The following KDM4B variants were observed in gnomAD, a reference collection of about 807,000 sequenced individuals.
KDM4B encodes the protein lysine demethylase 4B.
Under a neutral mutation model 125.2 loss-of-function variants are expected in KDM4B, and 32 were observed. That is an observed-to-expected ratio of 0.26 (90% CI 0.19 to 0.34). The LOEUF (loss-of-function observed/expected upper bound fraction) is 0.34. Among genes scored for constraint, KDM4B ranks in the 10% least tolerant of loss-of-function variants. The probability of loss-of-function intolerance (pLI) is 1.00; values close to 1 mark genes in which losing one functional copy is unlikely to be tolerated. For synonymous variants in KDM4B, 721 were observed against 677.9 expected, an observed-to-expected ratio of 1.06 and a Z score of -0.99; for missense variants, 1,190 against 1,577.7, an observed-to-expected ratio of 0.75 and a Z score of 4.16.
intron 6 of KDM4B, among the ~76,000 whole-genome samples, chr19:5,064,160 G>T (rs769198369): frequency 5.1e-4 from 78 of 152,322 alleles, no homozygotes; most frequent in Non-Finnish European, 9.0e-4. Flanking sequence ...GGTCCCGGGG[G>T]CGCCACTGGC....
intron 11 of KDM4B, among the ~76,000 whole-genome samples, chr19:5,126,576 G>GC (rs2039453069): frequency 6.6e-6 from 1 of 152,202 alleles, no homozygotes; most frequent in South Asian, 2.1e-4. Flanking sequence ...CCCTCCCCTC[G>GC]CCCCGGAGTG....
At chr19:4,994,909 A>G (rs2035151364) in intron 1 of KDM4B, among the ~76,000 whole-genome samples, 2 of 152,188 alleles carry the variant, frequency 1.3e-5, no homozygotes, top group African/African-American at 4.8e-5. Context: ...TTAACTTCTC[A>G]GAATCGACTT....
At chr19:5,092,153 T>C (rs755181570) in intron 9 of KDM4B, among the ~76,000 whole-genome samples, 12 of 152,078 alleles carry the variant, frequency 7.9e-5, no homozygotes, top group Non-Finnish European at 1.6e-4. Flanking sequence ...TGGAGGGTGA[T>C]CTAGGAGAGG....
chr19:5,110,648 G>A lies in KDM4B; in HGVS notation c.945G>A (p.Lys315=). The stretch of plus-strand genomic sequence containing the variant: ...GCACGTGCCGGAAGGACATGGTCAA[G>A]ATCTCCATGGACGTGTTCGTGCGCA... ...TQCTCRKDMV[K]ISMDVFVRIL... The change falls in exon 10 of 23, where the codon AAG becomes AAA. Residue 315 remains lysine, a synonymous_variant. Coordinates refer to ENST00000159111, the MANE Select transcript of KDM4B (RefSeq NM_015015.3). 6.2e-7 allele frequency: 1 copy of A among 1,613,042 alleles called. No individual in the cohort carries two copies. The highest frequency in any genetic ancestry group is 8.5e-7 in the Non-Finnish European group (1 of 1,179,898).
chr19:5,106,714 G>C (rs1285133525), intron 9 of KDM4B, among the ~76,000 whole-genome samples: 1 of 152,210 alleles, frequency 6.6e-6, no homozygotes, highest in Non-Finnish European at 1.5e-5. Context: ...CCCCTGACAT[G>C]AGCACTGTCC....
In KDM4B at chr19:5,131,021, G is replaced by A. The variant is rs2039532886; in HGVS notation, c.1316-55G>A. Reference sequence around the variant, plus strand: ...GTTGGGGGATTTCTGGGGAGCGTGGGACCAGCACTTGAGCCCGGGTTCTCC... The same window carrying A: ...GTTGGGGGATTTCTGGGGAGCGTGGAACCAGCACTTGAGCCCGGGTTCTCC... On this transcript the variant is annotated intron_variant, in intron 11 of 22. Transcript: ENST00000159111. The A allele has an allele frequency of 7.6e-6, 10 of 1,312,054 alleles. No individual in the cohort carries two copies. In the East Asian group the frequency reaches 2.2e-4, roughly 29 times the overall value. The allele number at this position is 1,312,054 out of a possible 1,614,324, so 81.3% of individuals were successfully genotyped here.
At chr19:5,130,961 C>G (rs778958927) in intron 11 of KDM4B, 115 bp from the exon 12 acceptor site, 7 of 769,374 alleles carry the variant, frequency 9.1e-6, no homozygotes, top group Non-Finnish European at 1.4e-5. Flanking sequence ...TGTGGCCTCT[C>G]TGGGTGGAAG....
At chr19:5,110,929 T>C in intron 10 of KDM4B, 111 bp downstream of exon 10, 1 of 808,564 alleles carries the variant, frequency 1.2e-6, no homozygotes, top group Non-Finnish European at 1.9e-6. Flanking sequence ...GTCCCACTCC[T>C]CCCTTTCTTC....
rs1246989503 is a variant in KDM4B at position 5,144,137 on chromosome 19, G to A, written c.2721G>A (p.Lys907=). 2 of 1,596,536 alleles carry A rather than the reference G, an allele frequency of 1.3e-6. No individual in the cohort carries two copies. Among genetic ancestry groups the A allele is most frequent in the Non-Finnish European group, 8.6e-7 (1 of 1,166,916 alleles). The change falls in exon 19 of 23, where the codon AAG becomes AAA. Residue 907 remains lysine (K), a synonymous_variant. Coordinates refer to ENST00000159111, the MANE Select transcript of KDM4B (RefSeq NM_015015.3). ...YVVSITCLKH[K]SGGHAVQLLR... Reference sequence around the variant, plus strand: ...TCTCCATCACCTGCCTCAAGCACAAGTCGGGGGGTCACGCTGTGAGTGCCT... The same window carrying A: ...TCTCCATCACCTGCCTCAAGCACAAATCGGGGGGTCACGCTGTGAGTGCCT...
chr19:5,057,042 G>GTT (rs2037426456), intron 6 of KDM4B, among the ~76,000 whole-genome samples: 1 of 137,436 alleles, frequency 7.3e-6, no homozygotes, highest in African/African-American at 3.0e-5. Flanking sequence ...GTGTGTGTGT[G>GTT]TGTGTGTGTG....
intron 20 of KDM4B, 78 bp from the exon 21 acceptor site, chr19:5,144,705 C>A: frequency 6.3e-7 from 1 of 1,574,842 alleles, no homozygotes. Flanking sequence ...CTTGCCAGCG[C>A]GGAGAGGGTC....
Position 4,971,344 on chromosome 19 carries a change from TGGCCAGG to T in KDM4B, c.-109+2119_-109+2125del, listed in dbSNP as rs1451051735. Among the ~76,000 whole-genome samples, 2 of 152,062 alleles carry T rather than the reference TGGCCAGG, an allele frequency of 1.3e-5. No homozygotes were observed. The highest frequency in any genetic ancestry group is 2.9e-5 in the Non-Finnish European group (2 of 68,010). On this transcript the variant is annotated intron_variant, in intron 1 of 22. Transcript: ENST00000159111. The surrounding 1 kb of genome is among the most constrained non-coding windows in gnomAD (Gnocchi z 4.1). The stretch of plus-strand genomic sequence containing the variant: ...CCCGTCCTGCAGGAGCCCTCTGGGG[TGGCCAGG>T]GGCCGTCCTCTGTGTCCTTCTCTCC...
intron 17 of KDM4B, 70 bp from the exon 18 acceptor site, chr19:5,137,870 GACCCAGCCGACAGCCACATCAC>G: frequency 8.2e-7 from 1 of 1,213,052 alleles, no homozygotes; most frequent in South Asian, 1.4e-5. Context: ...CCCAGGCCCT[GACCCAGCCGACAGCCACATCAC>G]GCCCAGCCCC....
chr19:5,114,063 T>A lies in KDM4B; in HGVS notation c.1115+3245T>A. On this transcript the variant is annotated intron_variant, in intron 10 of 22. Coordinates refer to ENST00000159111, the MANE Select transcript of KDM4B (RefSeq NM_015015.3). The surrounding 1 kb of genome is among the most constrained non-coding windows in gnomAD (Gnocchi z 5.8). ...GGGTCGCCTAAAACTGCAGCCTGGC[T>A]CCTGGCGGGTGCCCTCAGCCTCCCC... is the stretch of plus-strand genomic sequence containing the variant. 7.8e-7 allele frequency: 1 copy of A among 1,288,810 alleles called. No individual in the cohort carries two copies. Among genetic ancestry groups the A allele is most frequent in the Non-Finnish European group, 1.0e-6 (1 of 988,360 alleles). The allele number at this position is 1,288,810 out of a possible 1,614,324, so 79.8% of individuals were successfully genotyped here.
chr19:5,047,149 T>C (rs543364102), intron 5 of KDM4B: 1 of 232,872 alleles, frequency 4.3e-6, no homozygotes, highest in Non-Finnish European at 8.5e-6. Flanking sequence ...AAGTAAAAAT[T>C]AGCCAGGTGT....
intron 9 of KDM4B, among the ~76,000 whole-genome samples, chr19:5,091,908 G>A (rs2145919352): frequency 6.6e-6 from 1 of 151,614 alleles, no homozygotes; most frequent in East Asian, 1.9e-4. Context: ...CGCATCGTGT[G>A]TGCCGCAAAC....
At chr19:5,100,324 C>G (rs1475458467) in intron 9 of KDM4B, among the ~76,000 whole-genome samples, 4 of 152,214 alleles carry the variant, frequency 2.6e-5, no homozygotes, top group Admixed American at 1.3e-4. Context: ...TTTCAAACTC[C>G]CATCACTCGC....
At chr19:5,097,510 C>T (rs1472539923) in intron 9 of KDM4B, among the ~76,000 whole-genome samples, 2 of 152,230 alleles carry the variant, frequency 1.3e-5, no homozygotes, top group Admixed American at 1.3e-4. Flanking sequence ...GCCTTGGCCT[C>T]CCAAAGCACT....
At chr19:5,120,188 T>A (rs889532276) in intron 11 of KDM4B, among the ~76,000 whole-genome samples, 32 of 152,128 alleles carry the variant, frequency 2.1e-4, no homozygotes, top group Non-Finnish European at 4.7e-4. Context: ...ATAAAAAAAA[T>A]TTAACCAGGC....
Sources: gnomAD v4.1 joint callset for allele counts (sites outside exome capture counted in the v4.1 genomes callset) on GRCh38, gnomAD v4.1.1 for gene constraint, Gnocchi (gnomAD v3.1) non-coding constraint, MANE v1.5 for transcripts, NCBI Gene and HGNC (gene_info 2026-07-23, HGNC 2026-07-21) for gene names.